Variants in DOCK9 observed in about 807,000 individuals in gnomAD.
The protein encoded by DOCK9 is dedicator of cytokinesis protein 9.
DOCK9 carries 89 observed loss-of-function variants against 263.3 expected under a neutral mutation model. That is an observed-to-expected ratio of 0.34 (90% CI 0.28 to 0.40). The LOEUF (loss-of-function observed/expected upper bound fraction) is 0.40, where lower values mean the gene tolerates loss of function less well. Ranked by LOEUF, DOCK9 falls within the 10% of genes least tolerant of loss-of-function variation. The pLI is 1.00. For synonymous variants in DOCK9, 976 were observed against 973.1 expected (o/e 1.00, Z -0.06); for missense variants, 2,140 against 2,603.4 (o/e 0.82, Z 3.87).
intron 18 of DOCK9, among the ~76,000 whole-genome samples, chr13:98,887,125 T>A (rs545778649): frequency 1.9e-4 from 19 of 102,560 alleles, no homozygotes; most frequent in East Asian, 3.4e-4. Flanking sequence ...ATACTATATT[T>A]TATATATATA....
chr13:98,919,409 TCAGA>T (rs2051502576), intron 7 of DOCK9, among the ~76,000 whole-genome samples: 1 of 152,224 alleles, frequency 6.6e-6, no homozygotes, highest in African/African-American at 2.4e-5. Context: ...GCTGTTTCAA[TCAGA>T]CAAATGTATT....
intron 1 of DOCK9, among the ~76,000 whole-genome samples, chr13:99,023,419 T>C (rs1347847581): frequency 6.6e-6 from 1 of 152,256 alleles, no homozygotes; most frequent in Non-Finnish European, 1.5e-5. Context: ...TTGAAGTATT[T>C]AGAATAGTCA....
In DOCK9 at chr13:98,885,110, C is replaced by A. The variant is rs768958633; in HGVS notation, c.2261-18G>T. Reference sequence around the variant, plus strand: ...GTAGCCAACTGTTGAAAACAAAGAACAACAACAACAACAGAACACTGTGAG... The same window carrying A: ...GTAGCCAACTGTTGAAAACAAAGAAAAACAACAACAACAGAACACTGTGAG... On this transcript the variant is annotated intron_variant, in intron 20 of 52. Transcript: ENST00000682017. The A allele has an allele frequency of 1.0e-4, 160 of 1,602,742 alleles. No individual in the cohort carries two copies. The highest frequency in any genetic ancestry group is 4.4e-4 in the Admixed American group (26 of 59,212).
At chr13:99,073,322 T>C (rs2041764429) in intron 1 of DOCK9, among the ~76,000 whole-genome samples, 1 of 151,404 alleles carries the variant, frequency 6.6e-6, no homozygotes, top group African/African-American at 2.4e-5. Flanking sequence ...TCTCTCTCTC[T>C]CTTCTCTCTC....
At chr13:98,834,334 A>AT (rs1215794673) in intron 39 of DOCK9, 3 of 152,222 alleles carry the variant, frequency 2.0e-5, no homozygotes, top group Non-Finnish European at 2.9e-5. Context: ...TTTTAAAATA[A>AT]CGTTAAAAAA....
chr13:98,979,466 T>G (rs958059669), upstream of DOCK9, among the ~76,000 whole-genome samples: 2 of 152,018 alleles, frequency 1.3e-5, no homozygotes, highest in African/African-American at 4.8e-5. Flanking sequence ...CGCCTCCCTC[T>G]CCTAGCACCT....
At chr13:98,911,351 A>G (rs1328640885) in intron 9 of DOCK9, among the ~76,000 whole-genome samples, 8 of 152,224 alleles carry the variant, frequency 5.3e-5, no homozygotes, top group Non-Finnish European at 1.0e-4. Flanking sequence ...GTTTGAGGTG[A>G]TGGCTATCCC....
chr13:98,830,228 A>G (rs1311427314), intron 41 of DOCK9, among the ~76,000 whole-genome samples: 1 of 152,234 alleles, frequency 6.6e-6, no homozygotes, highest in African/African-American at 2.4e-5. Flanking sequence ...AATGAATAGC[A>G]CTGCCTTTAC....
At chr13:99,036,832 C>A (rs1887935134) in intron 1 of DOCK9, among the ~76,000 whole-genome samples, 1 of 152,154 alleles carries the variant, frequency 6.6e-6, no homozygotes, top group South Asian at 2.1e-4. Flanking sequence ...TCCACTGTGC[C>A]CGGCCAATGG....
At chr13:98,888,800 G>A (rs1366977260) in intron 15 of DOCK9, 89 bp from the exon 16 acceptor site, 1 of 1,139,354 alleles carries the variant, frequency 8.8e-7, no homozygotes. Flanking sequence ...GAAATATAAA[G>A]CAAGCCATAA....
chr13:98,960,383 G>C (rs1335673189), intron 1 of DOCK9, among the ~76,000 whole-genome samples: 1 of 152,136 alleles, frequency 6.6e-6, no homozygotes, highest in Non-Finnish European at 1.5e-5. Flanking sequence ...ATGACATTCA[G>C]AACATACACA....
chr13:99,020,607 T>C (rs1324962165), intron 1 of DOCK9, among the ~76,000 whole-genome samples: 2 of 152,236 alleles, frequency 1.3e-5, no homozygotes, highest in Non-Finnish European at 2.9e-5. Context: ...CTTTGCTGAC[T>C]TTCTGTTTTA....
At chr13:99,062,602 C>A (rs2041238743) in intron 1 of DOCK9, among the ~76,000 whole-genome samples, 1 of 152,218 alleles carries the variant, frequency 6.6e-6, no homozygotes, top group East Asian at 1.9e-4. Flanking sequence ...CACTTGTCTG[C>A]ATTCGCTCCC....
intron 27 of DOCK9, among the ~76,000 whole-genome samples, 173 bp from the exon 28 acceptor site, chr13:98,868,550 G>T (rs1288095284): frequency 6.6e-6 from 1 of 152,274 alleles, no homozygotes; most frequent in East Asian, 1.9e-4. Flanking sequence ...GATCACTTGA[G>T]CCCAGGGGTT....
chr13:99,013,320 G>A (rs1414164038), intron 1 of DOCK9, among the ~76,000 whole-genome samples: 3 of 152,104 alleles, frequency 2.0e-5, no homozygotes, highest in Non-Finnish European at 2.9e-5. Context: ...TTGCTATGTT[G>A]TCCAGGCTGG....
At chr13:98,936,527 G>C (rs982106619) in intron 2 of DOCK9, among the ~76,000 whole-genome samples, 12 of 151,864 alleles carry the variant, frequency 7.9e-5, no homozygotes, top group African/African-American at 2.7e-4. Flanking sequence ...GGCTGAAATG[G>C]GAGGATCTCT....
At chr13:99,022,562 C>T (rs538236473) in intron 1 of DOCK9, among the ~76,000 whole-genome samples, 73 of 152,246 alleles carry the variant, frequency 4.8e-4, no homozygotes, top group African/African-American at 1.7e-3. Context: ...CAGGGAGGGA[C>T]GGTGGGGGTC....
chr13:98,893,296 A>G (rs1349638289), intron 15 of DOCK9, among the ~76,000 whole-genome samples: 1 of 152,160 alleles, frequency 6.6e-6, no homozygotes, highest in Non-Finnish European at 1.5e-5. Flanking sequence ...TTATTACCTA[A>G]ACTATCCAAC....
intron 1 of DOCK9, among the ~76,000 whole-genome samples, chr13:99,046,443 G>C (rs966122836): frequency 1.1e-4 from 17 of 152,248 alleles, no homozygotes; most frequent in African/African-American, 4.1e-4. Context: ...GTTTTCAAAA[G>C]GAGGAAGGAT....
Sources: allele counts gnomAD v4.1 joint callset (sites outside exome capture counted in the v4.1 genomes callset), GRCh38; gene constraint gnomAD v4.1.1; transcripts MANE v1.5; gene names NCBI Gene and HGNC (gene_info 2026-07-23, HGNC 2026-07-21).